The following APOBEC2 variants were observed in gnomAD, a reference collection of about 807,000 sequenced individuals.
APOBEC2 encodes the protein C->U-editing enzyme APOBEC-2.
A neutral mutation model predicts 19.4 loss-of-function variants in APOBEC2; 14 were observed. The observed-to-expected ratio is 0.72, with a 90% CI of 0.48 to 1.13. The LOEUF is 1.13. Among genes scored for constraint, APOBEC2 ranks in the 50% most tolerant of loss-of-function variants. The probability of loss-of-function intolerance (pLI) is 0.00; values close to 1 mark genes in which losing one functional copy is unlikely to be tolerated. For synonymous variants in APOBEC2, 127 were observed against 112.1 expected, an observed-to-expected ratio of 1.13 and a Z score of -0.84; for missense variants, 304 against 277.0, an observed-to-expected ratio of 1.10 and a Z score of -0.69.
In APOBEC2 at chr6:41,064,440, AT is replaced by A. The variant is rs1270911572; in HGVS notation, c.*362del. On this transcript the variant is annotated 3_prime_UTR_variant, in exon 3 of 3. Coordinates refer to ENST00000244669, the MANE Select transcript of APOBEC2 (RefSeq NM_006789.4). ...GACCCGAGGTTTAGATTTCTGAAAT[AT>A]GCATTTTATGTTAAGTTGGGTATTT... The A allele has an allele frequency of 6.6e-6, 1 of 152,218 alleles. No individual in the cohort carries two copies. Among genetic ancestry groups the A allele is most frequent in the Non-Finnish European group, 1.5e-5 (1 of 68,040 alleles). The allele number at this position is 152,218 out of a possible 1,614,324, so 9.4% of individuals were successfully genotyped here.
At position 41,061,513 on chromosome 6, in the gene APOBEC2, C is replaced by A. The variant is rs952650074; in HGVS notation, c.317C>A (p.Thr106Asn). Residue 106 changes from threonine (T) to asparagine (N), a missense_variant, in exon 2 of 3, where the codon ACC becomes AAC. Transcript: ENST00000244669. Reference protein sequence around the residue: ...AAHAEEAFFNTILPAFDPALR... With the variant: ...AAHAEEAFFNNILPAFDPALR... ...CATGCAGAGGAAGCTTTCTTCAACA[C>A]CATCCTGCCAGCCTTCGACCCAGCC... 8.7e-6 allele frequency: 14 copies of A among 1,614,058 alleles called. No individual in the cohort carries two copies. The highest frequency in any genetic ancestry group is 1.2e-5 in the Non-Finnish European group (14 of 1,179,914).
At chr6:41,059,502 A>C (rs1268881815) in intron 1 of APOBEC2, among the ~76,000 whole-genome samples, 1 of 152,148 alleles carries the variant, frequency 6.6e-6, no homozygotes, top group African/African-American at 2.4e-5. Flanking sequence ...ACAGGGATTG[A>C]GAAGAGGAGC....
At chr6:41,056,519 C>T (rs966150596) in intron 1 of APOBEC2, among the ~76,000 whole-genome samples, 1 of 152,334 alleles carries the variant, frequency 6.6e-6, no homozygotes, top group Non-Finnish European at 1.5e-5. Flanking sequence ...GTCATATGGC[C>T]AAAGCTTGTT....
chr6:41,053,462 T>G lies in APOBEC2; in HGVS notation c.115T>G (p.Phe39Val). 1 of 1,614,180 alleles carries G rather than the reference T, an allele frequency of 6.2e-7. No homozygotes were observed. The highest frequency in any genetic ancestry group is 8.5e-7 in the Non-Finnish European group (1 of 1,180,020). Residue 39 changes from phenylalanine to valine, a missense_variant, in exon 1 of 3, where the codon TTT (phenylalanine) becomes GTT (valine). Coordinates refer to ENST00000244669, the MANE Select transcript of APOBEC2 (RefSeq NM_006789.4). ...KLKELIELPPFEIVTGERLPA... is the reference protein window; with the variant it reads ...KLKELIELPPVEIVTGERLPA... Reference sequence around the variant, plus strand: ...GAAAGAGCTGATTGAGCTGCCGCCCTTTGAGATTGTCACAGGGTAAGCCTC... The same window carrying G: ...GAAAGAGCTGATTGAGCTGCCGCCCGTTGAGATTGTCACAGGGTAAGCCTC...
chr6:41,062,297 C>T (rs745957425), intron 2 of APOBEC2, among the ~76,000 whole-genome samples: 3 of 152,236 alleles, frequency 2.0e-5, no homozygotes, highest in Non-Finnish European at 4.4e-5. Flanking sequence ...CTTCTAGATG[C>T]CTCACTCCCA....
At chr6:41,055,760 C>A (rs1762787422) in intron 1 of APOBEC2, among the ~76,000 whole-genome samples, 1 of 152,186 alleles carries the variant, frequency 6.6e-6, no homozygotes, top group South Asian at 2.1e-4. Flanking sequence ...AACAAAATAA[C>A]ATGGTAGAAT....
At chr6:41,054,687 C>A (rs1237973256) in intron 1 of APOBEC2, among the ~76,000 whole-genome samples, 2 of 152,210 alleles carry the variant, frequency 1.3e-5, no homozygotes, top group Non-Finnish European at 2.9e-5. Flanking sequence ...TCACCCTCAT[C>A]CTAGGATTAA....
rs1581992396 is a variant in APOBEC2 at position 41,063,681 on chromosome 6, C to T, written c.*22-420C>T. Among the ~76,000 whole-genome samples the T allele has an allele frequency of 2.8e-5, 4 of 144,552 alleles. No individual in the cohort carries two copies. The South Asian group carries it at 8.8e-4, about 32-fold the overall frequency. 94.8% of individuals were successfully genotyped at this position (144,552 alleles called of 152,430 possible). On this transcript the variant is annotated intron_variant, in intron 2 of 2. Coordinates refer to ENST00000244669, the MANE Select transcript of APOBEC2 (RefSeq NM_006789.4). Reference sequence around the variant, plus strand: ...ATCAAGTTAAAAAAAAAAAAACTGGCATGAGATAAGAGTGTAATCTAAAAG... The same window carrying T: ...ATCAAGTTAAAAAAAAAAAAACTGGTATGAGATAAGAGTGTAATCTAAAAG...
chr6:41,058,148 A>ACC lies in APOBEC2; in HGVS notation c.132-3177_132-3176dup, dbSNP rs140133654. On this transcript the variant is annotated intron_variant, in intron 1 of 2. Coordinates refer to ENST00000244669, the MANE Select transcript of APOBEC2 (RefSeq NM_006789.4). ...GACCACCACCCACCACCACCACCCC[A>ACC]CCCCACACACACACACACACACACA... Among the ~76,000 whole-genome samples, 10 of 89,342 alleles carry ACC rather than the reference A, an allele frequency of 1.1e-4. No individual in the cohort carries two copies. The South Asian group carries it at 1.4e-3, about 13-fold the overall frequency. The allele number at this position is 89,342 out of a possible 152,430, so 58.6% of individuals were successfully genotyped here.
At position 41,059,163 on chromosome 6, in the gene APOBEC2, AT is replaced by A. The variant is rs1376297647; in HGVS notation, c.132-2164del. 7.2e-5 allele frequency among the ~76,000 whole-genome samples: 11 copies of A among 152,322 alleles called. 1 individual carries two copies. The highest frequency in any genetic ancestry group is 2.6e-4 in the African/African-American group (11 of 41,572). ...GCCAAATTCACACTGGCCTAAATTC[AT>A]ACTTTCAGCTGAGCTATAGGGAGCT... On this transcript the variant is annotated intron_variant, in intron 1 of 2. Transcript: ENST00000244669.
chr6:41,055,861 T>C (rs1175351829), intron 1 of APOBEC2, among the ~76,000 whole-genome samples: 3 of 152,236 alleles, frequency 2.0e-5, no homozygotes, highest in South Asian at 2.1e-4. Context: ...TCCAGTGATA[T>C]CACCTCGGGA....
chr6:41,058,358 C>A (rs552750898), intron 1 of APOBEC2, among the ~76,000 whole-genome samples: 6 of 148,472 alleles, frequency 4.0e-5, no homozygotes, highest in Non-Finnish European at 7.4e-5. Context: ...AATCTACTAC[C>A]AGCATCTCTC....
At chr6:41,060,020 A>G (rs1406838101) in intron 1 of APOBEC2, among the ~76,000 whole-genome samples, 2 of 152,198 alleles carry the variant, frequency 1.3e-5, no homozygotes, top group East Asian at 3.8e-4. Flanking sequence ...TTAAAAATTC[A>G]TTTTCTTTGG....
intron 1 of APOBEC2, among the ~76,000 whole-genome samples, chr6:41,060,821 T>C (rs955869966): frequency 2.0e-5 from 3 of 152,240 alleles, no homozygotes; most frequent in Non-Finnish European, 4.4e-5. Context: ...GCAAAATCTT[T>C]GTTTTGCTCT....
chr6:41,055,251 A>T (rs544735933), intron 1 of APOBEC2, among the ~76,000 whole-genome samples: 2 of 152,112 alleles, frequency 1.3e-5, no homozygotes, highest in Non-Finnish European at 2.9e-5. Context: ...GCTCCACGTT[A>T]TCTCTATCTG....
chr6:41,062,190 T>C (rs1581991575), intron 2 of APOBEC2, among the ~76,000 whole-genome samples: 1 of 152,238 alleles, frequency 6.6e-6, no homozygotes, highest in Admixed American at 6.5e-5. Flanking sequence ...AAGATTTAGA[T>C]GGTGCAAGCA....
At chr6:41,060,614 A>G (rs1378069391) in intron 1 of APOBEC2, among the ~76,000 whole-genome samples, 4 of 152,232 alleles carry the variant, frequency 2.6e-5, no homozygotes, top group African/African-American at 7.2e-5. Flanking sequence ...CTATCCCAAG[A>G]TACCCTTGAG....
intron 2 of APOBEC2, among the ~76,000 whole-genome samples, chr6:41,062,856 C>A (rs7762194): frequency 0.021 from 3,253 of 152,184 alleles, 89 homozygotes; most frequent in African/African-American, 0.064. Flanking sequence ...ATTGAGTTTG[C>A]GCCTACAGAA....
rs1264138564 is a variant in APOBEC2 at position 41,064,765 on chromosome 6, T to A, written c.*686T>A. ...GCATGAGAAATCTAAGGTAGCCACA[T>A]CCCAAATGCCAGTTAATAAGCAACT... On this transcript the variant is annotated 3_prime_UTR_variant, in exon 3 of 3. Transcript: ENST00000244669. The A allele has an allele frequency of 6.6e-6, 1 of 152,220 alleles. No homozygotes were observed. Among genetic ancestry groups the A allele is most frequent in the Non-Finnish European group, 1.5e-5 (1 of 68,036 alleles). 9.4% of individuals were successfully genotyped at this position (152,220 alleles called of 1,614,324 possible). A position where few individuals can be genotyped will look rare whatever the true frequency, so the allele number is the denominator to read the frequency against.
Sources: allele counts gnomAD v4.1 joint callset (sites outside exome capture counted in the v4.1 genomes callset), GRCh38; gene constraint gnomAD v4.1.1; transcripts MANE v1.5; gene names NCBI Gene and HGNC (gene_info 2026-07-23, HGNC 2026-07-21).